Variants in SNTB1 observed in about 807,000 individuals in gnomAD.
SNTB1 encodes beta-1-syntrophin.
A neutral mutation model predicts 48.9 loss-of-function variants in SNTB1; 36 were observed. That is an observed-to-expected ratio of 0.74 (90% CI 0.56 to 0.97). SNTB1 has a LOEUF of 0.97. SNTB1 is among the 50% of genes least tolerant of loss of function. SNTB1 has a pLI of 0.00. For synonymous variants in SNTB1, 299 were observed against 294.6 expected (o/e 1.01, Z -0.15); for missense variants, 786 against 703.4 (o/e 1.12, Z -1.33).
intron 4 of SNTB1, among the ~76,000 whole-genome samples, chr8:120,562,878 A>G (rs1481678833): frequency 7.0e-6 from 1 of 142,382 alleles, no homozygotes; most frequent in Non-Finnish European, 1.5e-5. Context: ...ACCGCTCAAA[A>G]AAAGAAAAAG....
chr8:120,648,954 C>T (rs1274111851), intron 2 of SNTB1, among the ~76,000 whole-genome samples: 11 of 151,162 alleles, frequency 7.3e-5, no homozygotes, highest in Non-Finnish European at 1.2e-4. Flanking sequence ...TCCAGTTGAT[C>T]GCATCGGCTC....
At chr8:120,697,889 G>A (rs1818237996) in intron 1 of SNTB1, among the ~76,000 whole-genome samples, 1 of 152,144 alleles carries the variant, frequency 6.6e-6, no homozygotes, top group Non-Finnish European at 1.5e-5. Context: ...AACTTCCATA[G>A]ATAGACATGT....
chr8:120,656,566 A>G (rs1733648868), intron 2 of SNTB1, among the ~76,000 whole-genome samples: 1 of 152,236 alleles, frequency 6.6e-6, no homozygotes, highest in South Asian at 2.1e-4. Flanking sequence ...AAAAATAATA[A>G]GGCATCTAAA....
chr8:120,708,807 A>C (rs1818417592), intron 1 of SNTB1, among the ~76,000 whole-genome samples: 1 of 152,204 alleles, frequency 6.6e-6, no homozygotes, highest in Non-Finnish European at 1.5e-5. Context: ...CCAGAAATAG[A>C]AGGTAACTTC....
At chr8:120,602,092 TTTTG>T (rs769109024) in intron 3 of SNTB1, among the ~76,000 whole-genome samples, 6 of 152,250 alleles carry the variant, frequency 3.9e-5, no homozygotes, top group African/African-American at 9.6e-5. Flanking sequence ...TTTTTGTTTG[TTTTG>T]TTTATTTCAT....
intron 1 of SNTB1, among the ~76,000 whole-genome samples, chr8:120,810,595 C>T (rs1036904427): frequency 2.0e-5 from 3 of 152,188 alleles, no homozygotes; most frequent in South Asian, 2.1e-4. Context: ...CCAGACTGAC[C>T]GGCCAGATGC....
At chr8:120,758,465 A>G (rs1056929914) in intron 1 of SNTB1, among the ~76,000 whole-genome samples, 1 of 152,216 alleles carries the variant, frequency 6.6e-6, no homozygotes, top group Non-Finnish European at 1.5e-5. Context: ...GAGAGATTCA[A>G]GAGAGTCAAT....
chr8:120,727,209 T>C (rs956856727), intron 1 of SNTB1, among the ~76,000 whole-genome samples: 2 of 152,222 alleles, frequency 1.3e-5, no homozygotes, highest in African/African-American at 4.8e-5. Context: ...GTAGTTGTCA[T>C]GCATTAAAAA....
chr8:120,565,124 G>GT (rs147931962), intron 4 of SNTB1, among the ~76,000 whole-genome samples: 29,709 of 151,652 alleles, frequency 0.2, 3,015 homozygotes, highest in Middle Eastern at 0.3. Context: ...GATTTTAAAA[G>GT]TTTTTTTTTA....
Position 120,632,600 on chromosome 8 carries a change from G to A in SNTB1, c.840C>T (p.Ser280=). The change falls in exon 3 of 7, where the codon AGC becomes AGT. Residue 280 remains serine, a synonymous_variant. Transcript: ENST00000517992. ...ATGCCTGGGCCGTGGCTGAGTCCTT[G>A]CTCCTTAGGATCACCGTGTGCTTAG... ...PDAKHTVILR[S]KDSATAQAWF... 1 of 1,614,140 alleles carries A rather than the reference G, an allele frequency of 6.2e-7. No individual in the cohort carries two copies. Among genetic ancestry groups the A allele is most frequent in the Non-Finnish European group, 8.5e-7 (1 of 1,180,030 alleles).
intron 2 of SNTB1, among the ~76,000 whole-genome samples, chr8:120,674,384 AAAAGC>A (rs1453186955): frequency 1.3e-5 from 2 of 152,250 alleles, no homozygotes; most frequent in Non-Finnish European, 2.9e-5. Context: ...AATGAAGAGC[AAAAGC>A]AAACAAGGCT....
At chr8:120,811,243 G>C (rs745365654) in intron 1 of SNTB1, 30 bp downstream of exon 1, 23 of 1,551,004 alleles carry the variant, frequency 1.5e-5, no homozygotes, top group Middle Eastern at 3.5e-4. Flanking sequence ...GTGCGCGCCC[G>C]GCGCGGCCCG....
chr8:120,628,137 GTTT>G (rs1442324240), intron 3 of SNTB1, among the ~76,000 whole-genome samples: 1 of 152,138 alleles, frequency 6.6e-6, no homozygotes, highest in Non-Finnish European at 1.5e-5. Context: ...GCTGTGTTGT[GTTT>G]TTGTGTATTT....
intron 1 of SNTB1, among the ~76,000 whole-genome samples, chr8:120,734,967 G>T (rs999466128): frequency 6.6e-6 from 1 of 152,196 alleles, no homozygotes; most frequent in Non-Finnish European, 1.5e-5. Flanking sequence ...AAGAACTTGT[G>T]AAGTTCTAAG....
intron 2 of SNTB1, among the ~76,000 whole-genome samples, chr8:120,634,434 A>C (rs1398320682): frequency 6.6e-6 from 1 of 152,180 alleles, no homozygotes; most frequent in Non-Finnish European, 1.5e-5. Context: ...AACTTTGGAG[A>C]GAGAGAGAGG....
At chr8:120,632,403 T>G in intron 3 of SNTB1, 41 bp downstream of exon 3, 2 of 1,573,936 alleles carry the variant, frequency 1.3e-6, no homozygotes, top group Non-Finnish European at 1.7e-6. Flanking sequence ...TGGGGGAATC[T>G]CGGGGAGGAC....
At chr8:120,560,281 G>A (rs1033169536) in intron 4 of SNTB1, among the ~76,000 whole-genome samples, 8 of 152,110 alleles carry the variant, frequency 5.3e-5, no homozygotes, top group South Asian at 2.1e-4. Flanking sequence ...TCAGGAGTTC[G>A]AGACCAGCCT....
chr8:120,630,755 T>G (rs183871525), intron 3 of SNTB1, among the ~76,000 whole-genome samples: 4 of 152,270 alleles, frequency 2.6e-5, no homozygotes, highest in Middle Eastern at 3.4e-3. Flanking sequence ...ATGACTTAGG[T>G]GAGGCTGATT....
chr8:120,592,188 T>A (rs185956264), intron 3 of SNTB1, among the ~76,000 whole-genome samples: 46 of 152,216 alleles, frequency 3.0e-4, no homozygotes, highest in South Asian at 2.5e-3. Flanking sequence ...AGCAGAATTT[T>A]TTTTTTTCCA....
Sources: gnomAD v4.1 joint callset for allele counts (sites outside exome capture counted in the v4.1 genomes callset) on GRCh38, gnomAD v4.1.1 for gene constraint, MANE v1.5 for transcripts, NCBI Gene and HGNC (gene_info 2026-07-23, HGNC 2026-07-21) for gene names.